Variants in CCDC7 observed in about 807,000 individuals in gnomAD.
CCDC7 encodes the protein coiled-coil domain containing 7.
In CCDC7, 183 loss-of-function variants were observed where a neutral mutation model predicts 196.9. The ratio of observed to expected loss-of-function variants is 0.93; its 90% CI spans 0.82 to 1.05. The LOEUF (loss-of-function observed/expected upper bound fraction) is 1.05, where lower values mean the gene tolerates loss of function less well. Ranked by LOEUF, CCDC7 falls within the 50% of genes least tolerant of loss-of-function variation. The pLI is 0.00. For synonymous variants in CCDC7, 525 were observed against 484.6 expected, an observed-to-expected ratio of 1.08 and a Z score of -1.10; for missense variants, 1,540 against 1,482.2, an observed-to-expected ratio of 1.04 and a Z score of -0.64.
At chr10:32,603,603 C>CT (rs2061296466) in intron 18 of CCDC7, among the ~76,000 whole-genome samples, 1 of 134,144 alleles carries the variant, frequency 7.5e-6, no homozygotes, top group African/African-American at 2.8e-5. Flanking sequence ...TTTTTTACAT[C>CT]TTTGACAGTG....
intron 22 of CCDC7, among the ~76,000 whole-genome samples, chr10:32,688,169 TCGCACACTATCTTAACA>T (rs2076679939): frequency 6.6e-6 from 1 of 152,204 alleles, no homozygotes; most frequent in Non-Finnish European, 1.5e-5. Flanking sequence ...GGTGCCACTG[TCGCACACTATCTTAACA>T]CGCTTACCTC....
intron 28 of CCDC7, among the ~76,000 whole-genome samples, chr10:32,738,315 A>C (rs2085214271): frequency 6.6e-6 from 1 of 152,070 alleles, no homozygotes; most frequent in South Asian, 2.1e-4. Flanking sequence ...ATTTCAGAGA[A>C]TTCCCATTTC....
At chr10:32,841,697 A>G (rs1239301764) in intron 33 of CCDC7, among the ~76,000 whole-genome samples, 1 of 152,038 alleles carries the variant, frequency 6.6e-6, no homozygotes, top group African/African-American at 2.4e-5. Context: ...GGATCACATT[A>G]CCAACTTCAA....
chr10:32,644,648 C>T (rs371919105), intron 20 of CCDC7, among the ~76,000 whole-genome samples: 60 of 152,158 alleles, frequency 3.9e-4, no homozygotes, highest in African/African-American at 1.4e-3. Flanking sequence ...TAATGAATCA[C>T]GAGGGCGATT....
At chr10:32,551,463 C>T (rs757275895) in intron 13 of CCDC7, among the ~76,000 whole-genome samples, 1 of 151,892 alleles carries the variant, frequency 6.6e-6, no homozygotes, top group Non-Finnish European at 1.5e-5. Context: ...GTTCTTGTTT[C>T]TCTAGTTCCT....
intron 29 of CCDC7, among the ~76,000 whole-genome samples, chr10:32,795,452 T>C (rs955100572): frequency 6.6e-6 from 1 of 152,230 alleles, no homozygotes; most frequent in Non-Finnish European, 1.5e-5. Flanking sequence ...ATTTCTGTGA[T>C]AGATTTCTGA....
At chr10:32,834,499 TG>T in intron 32 of CCDC7, among the ~76,000 whole-genome samples, 1 of 152,200 alleles carries the variant, frequency 6.6e-6, no homozygotes, top group South Asian at 2.1e-4. Context: ...CAGCATTGTA[TG>T]GAAGAAAGCA....
intron 32 of CCDC7, among the ~76,000 whole-genome samples, chr10:32,828,489 G>GAAGAAGAAGAAGAAGAAC (rs1565634300): frequency 1.6e-5 from 1 of 60,852 alleles, no homozygotes; most frequent in South Asian, 6.3e-4. Context: ...GGAAGAGGAA[G>GAAGAAGAAGAAGAAGAAC]AAGAAGAAGA....
intron 29 of CCDC7, among the ~76,000 whole-genome samples, chr10:32,782,225 T>G (rs980357480): frequency 4.4e-5 from 1 of 22,790 alleles, no homozygotes; most frequent in Admixed American, 7.8e-4. Flanking sequence ...CTTGTTTTTT[T>G]TTTGTTTTTT....
At chr10:32,457,694 T>A (rs556144094) in intron 3 of CCDC7, among the ~76,000 whole-genome samples, 1 of 152,182 alleles carries the variant, frequency 6.6e-6, no homozygotes, top group Admixed American at 6.5e-5. Context: ...TCAGTATTTA[T>A]TATCTTTTTT....
Position 32,637,457 on chromosome 10 carries a change from G to T in CCDC7, c.2014+2299G>T, listed in dbSNP as rs1283221675. On this transcript the variant is annotated intron_variant, in intron 20 of 41. Coordinates refer to ENST00000639629, the Ensembl canonical transcript of CCDC7. ...TCAGCTTTCTCCATATGGCTAGCCAGTTTTCCCAGCACCATTTATTAACTA... is the reference window on the plus strand; with the variant it reads ...TCAGCTTTCTCCATATGGCTAGCCATTTTTCCCAGCACCATTTATTAACTA... Among the ~76,000 whole-genome samples, 3 of 152,292 alleles carry T rather than the reference G, an allele frequency of 2.0e-5. No homozygotes were observed. The East Asian group carries it at 5.8e-4, about 29-fold the overall frequency.
intron 18 of CCDC7, among the ~76,000 whole-genome samples, chr10:32,600,437 A>G (rs927083929): frequency 6.6e-6 from 1 of 152,024 alleles, no homozygotes; most frequent in Non-Finnish European, 1.5e-5. Context: ...GAATTCATTT[A>G]TCAAATATAG....
At chr10:32,778,759 T>C (rs1435720373) in intron 28 of CCDC7, among the ~76,000 whole-genome samples, 1 of 152,218 alleles carries the variant, frequency 6.6e-6, no homozygotes, top group Non-Finnish European at 1.5e-5. Flanking sequence ...ACCTGTAAAT[T>C]GCTTTGGGCA....
Position 32,506,141 on chromosome 10 carries a change from C to T in CCDC7, c.873-11804C>T, listed in dbSNP as rs561827016. ...GCAGAGGCGCTGCTCACTTCCCATT[C>T]GGGGCAGCCGGGCAGAGGCGCTCCT... On this transcript the variant is annotated intron_variant, in intron 9 of 41. Coordinates refer to ENST00000639629, the Ensembl canonical transcript of CCDC7. Among the ~76,000 whole-genome samples, 37 of 141,674 alleles carry T rather than the reference C, an allele frequency of 2.6e-4. 2 individuals are homozygous for T. The South Asian group carries it at 8.0e-3, about 31-fold the overall frequency. 92.9% of individuals were successfully genotyped at this position (141,674 alleles called of 152,430 possible).
At chr10:32,476,353 C>T (rs1413683512) in intron 8 of CCDC7, among the ~76,000 whole-genome samples, 2 of 44,098 alleles carry the variant, frequency 4.5e-5, no homozygotes, top group Non-Finnish European at 1.5e-4. Context: ...TAAAGTTCCT[C>T]TGTGTTTCAA....
intron 15 of CCDC7, among the ~76,000 whole-genome samples, chr10:32,571,003 G>GC (rs2057471654): frequency 1.8e-5 from 2 of 108,194 alleles, no homozygotes; most frequent in Non-Finnish European, 1.8e-5. Context: ...TAAGGTCACT[G>GC]GCCTTTTTTT....
chr10:32,880,441 T>C (rs1302835343), downstream of CCDC7, among the ~76,000 whole-genome samples: 1 of 152,230 alleles, frequency 6.6e-6, no homozygotes, highest in East Asian at 1.9e-4. Context: ...TTCTTTATGT[T>C]AGACCTTTGT....
intron 8 of CCDC7, among the ~76,000 whole-genome samples, chr10:32,485,999 G>A (rs188276812): frequency 5.9e-4 from 90 of 152,336 alleles, no homozygotes; most frequent in African/African-American, 2.0e-3. Flanking sequence ...GAGTTCTGTA[G>A]ATGTCTATTA....
At chr10:32,844,244 TA>T (rs2093149291) in intron 33 of CCDC7, among the ~76,000 whole-genome samples, 1 of 151,912 alleles carries the variant, frequency 6.6e-6, no homozygotes, top group African/African-American at 2.4e-5. Context: ...TCAAATCACA[TA>T]AAAACTCCAG....
Sources: allele counts gnomAD v4.1 joint callset (sites outside exome capture counted in the v4.1 genomes callset), GRCh38; gene constraint gnomAD v4.1.1; transcripts MANE v1.5; gene names NCBI Gene and HGNC (gene_info 2026-07-23, HGNC 2026-07-21).